Variants in CD109 observed in about 807,000 individuals in gnomAD.
CD109 encodes CD109 antigen.
CD109 carries 149 observed loss-of-function variants against 165.8 expected under a neutral mutation model. The ratio of observed to expected loss-of-function variants is 0.90; its 90% CI spans 0.79 to 1.03. The LOEUF (loss-of-function observed/expected upper bound fraction) is 1.03, where lower values mean the gene tolerates loss of function less well. CD109 is among the 50% of genes least tolerant of loss of function. The probability of loss-of-function intolerance (pLI) is 0.00; values close to 1 mark genes in which losing one functional copy is unlikely to be tolerated. For synonymous variants in CD109, 585 were observed against 592.1 expected (o/e 0.99, Z 0.18); for missense variants, 1,712 against 1,677.8 (o/e 1.02, Z -0.36).
At chr6:73,742,243 T>C (rs747134545) in intron 5 of CD109, among the ~76,000 whole-genome samples, 20 of 150,598 alleles carry the variant, frequency 1.3e-4, no homozygotes, top group Non-Finnish European at 2.4e-4. Flanking sequence ...ATTAGTCTTA[T>C]ATCAGCAGAA....
At chr6:73,762,212 C>T (rs537047461) in intron 7 of CD109, among the ~76,000 whole-genome samples, 172 bp from the exon 8 acceptor site, 242 of 152,320 alleles carry the variant, frequency 1.6e-3, no homozygotes, top group African/African-American at 5.5e-3. Flanking sequence ...CCACCCGCCT[C>T]GGCCTCCCAA....
chr6:73,748,239 G>T (rs557952450), intron 5 of CD109, among the ~76,000 whole-genome samples: 8 of 151,654 alleles, frequency 5.3e-5, no homozygotes, highest in East Asian at 1.9e-4. Flanking sequence ...TCTGCATTTG[G>T]TTTTTTTCCC....
intron 16 of CD109, among the ~76,000 whole-genome samples, chr6:73,780,999 G>A (rs1221151783): frequency 8.0e-6 from 1 of 125,006 alleles, no homozygotes; most frequent in Non-Finnish European, 1.7e-5. Flanking sequence ...AGATCGATAT[G>A]TGTATGCGTG....
intron 6 of CD109, among the ~76,000 whole-genome samples, chr6:73,758,404 G>A (rs1025732418): frequency 3.3e-5 from 5 of 151,794 alleles, no homozygotes; most frequent in African/African-American, 1.2e-4. Flanking sequence ...ATTATTTTTC[G>A]AGACGGAGTC....
At chr6:73,799,786 T>C (rs1033987346) in intron 23 of CD109, among the ~76,000 whole-genome samples, 4 of 152,144 alleles carry the variant, frequency 2.6e-5, no homozygotes, top group African/African-American at 9.7e-5. Flanking sequence ...CATTAGTTTC[T>C]AGACTATCTT....
intron 23 of CD109, among the ~76,000 whole-genome samples, chr6:73,795,637 C>G (rs1421327525): frequency 1.3e-5 from 2 of 152,168 alleles, no homozygotes; most frequent in African/African-American, 4.8e-5. Flanking sequence ...AAATGCCAAG[C>G]AGTCCTCCCA....
chr6:73,721,736 G>GATTT (rs774930293), intron 2 of CD109, among the ~76,000 whole-genome samples: 4 of 150,784 alleles, frequency 2.7e-5, no homozygotes, highest in Non-Finnish European at 4.4e-5. Flanking sequence ...TCTTTTTATT[G>GATTT]ATTTATTTAT....
chr6:73,806,038 T>C (rs572958543), intron 24 of CD109, among the ~76,000 whole-genome samples: 1 of 152,338 alleles, frequency 6.6e-6, no homozygotes, highest in Admixed American at 6.5e-5. Context: ...TTATAAATCA[T>C]GCTGCTATAA....
chr6:73,792,859 A>G, intron 23 of CD109, 57 bp downstream of exon 23: 1 of 1,349,448 alleles, frequency 7.4e-7, no homozygotes, highest in Non-Finnish European at 1.0e-6. Flanking sequence ...TTTTTCAGGT[A>G]GGGTTCATTC....
chr6:73,739,676 G>GT (rs1419355864), intron 5 of CD109, among the ~76,000 whole-genome samples: 5 of 151,888 alleles, frequency 3.3e-5, no homozygotes. Context: ...GTGAAACCCC[G>GT]TCTCTACTAA....
intron 4 of CD109, among the ~76,000 whole-genome samples, chr6:73,735,348 A>T (rs1221795863): frequency 1.3e-5 from 2 of 152,228 alleles, no homozygotes; most frequent in East Asian, 3.8e-4. Context: ...ACTGTAACTC[A>T]TTCTCAGATT....
chr6:73,736,487 G>A lies in CD109; in HGVS notation c.612G>A (p.Trp204Ter). ...QLSSHPILGD[W>*]SIQVQVNDQT... ...CTTCCCATCCAATACTTGGTGACTG[G>A]TCTATTCAAGTTCAAGTGAATGTGA... is the stretch of plus-strand genomic sequence containing the variant. The change falls in exon 5 of 33, where the codon TGG (tryptophan) becomes TGA (stop). Residue 204 changes from tryptophan to a stop codon, truncating the protein, a stop_gained. Transcript: ENST00000287097. LOFTEE classifies it high-confidence loss of function. 1 of 1,612,634 alleles carries A rather than the reference G, an allele frequency of 6.2e-7. No homozygotes were observed. The highest frequency in any genetic ancestry group is 1.1e-5 in the South Asian group (1 of 90,884).
At chr6:73,721,740 T>G (rs145895802) in intron 2 of CD109, among the ~76,000 whole-genome samples, 102 of 152,182 alleles carry the variant, frequency 6.7e-4, no homozygotes, top group African/African-American at 2.0e-3. Flanking sequence ...TTTATTGATT[T>G]ATTTATTTAT....
At chr6:73,743,041 C>T (rs1035337130) in intron 5 of CD109, among the ~76,000 whole-genome samples, 9 of 152,172 alleles carry the variant, frequency 5.9e-5, no homozygotes, top group African/African-American at 1.7e-4. Context: ...GAACTGGGGA[C>T]AGGCCATCTG....
At chr6:73,697,364 A>G in intron 1 of CD109, 36 bp from the exon 2 acceptor site, 7 of 1,599,730 alleles carry the variant, frequency 4.4e-6, no homozygotes, top group Non-Finnish European at 5.1e-6. Context: ...TGTGAGGATA[A>G]GAAACTTTGT....
intron 23 of CD109, 88 bp from the exon 24 acceptor site, chr6:73,803,132 T>A: frequency 1.1e-6 from 1 of 872,132 alleles, no homozygotes; most frequent in African/African-American, 1.7e-5. Context: ...TCTCTGCCCA[T>A]ATTTCCTCAA....
chr6:73,716,050 T>C (rs10455283), intron 2 of CD109, among the ~76,000 whole-genome samples: 46,501 of 152,090 alleles, frequency 0.31, 7,152 homozygotes, highest in Admixed American at 0.35. Context: ...TGTGTTTGGG[T>C]TATTTCACTT....
At position 73,768,091 on chromosome 6, in the gene CD109, C is replaced by T. The variant is rs749267754; in HGVS notation, c.1534C>T (p.Gln512Ter). ...SRGQLVAVGKQNSTMFSLTPE... is the reference protein window; with the variant it reads ...SRGQLVAVGK ...GGGACAGTTGGTGGCTGTAGGAAAA[C>T]AAAATTCAACAATGTTCTCTTTAAC... Residue 512 changes from glutamine to a stop codon, truncating the protein, a stop_gained, in exon 14 of 33, where the codon CAA becomes TAA. Coordinates refer to ENST00000287097, the MANE Select transcript of CD109 (RefSeq NM_133493.5). LOFTEE classifies it high-confidence loss of function. 5 of 1,613,210 alleles carry T rather than the reference C, an allele frequency of 3.1e-6. No individual in the cohort carries two copies. The East Asian group carries it at 1.1e-4, about 36-fold the overall frequency.
chr6:73,787,523 C>A, intron 21 of CD109, 71 bp downstream of exon 21: 1 of 1,251,530 alleles, frequency 8.0e-7, no homozygotes, highest in Non-Finnish European at 1.1e-6. Context: ...GGTTTTTTCT[C>A]TTGGTTAAAT....
Sources: allele counts gnomAD v4.1 joint callset (sites outside exome capture counted in the v4.1 genomes callset), GRCh38; gene constraint gnomAD v4.1.1; transcripts MANE v1.5; gene names NCBI Gene and HGNC (gene_info 2026-07-23, HGNC 2026-07-21).